Variants in ICA1 observed in about 807,000 individuals in gnomAD.
ICA1 encodes the protein 69 kDa islet cell autoantigen.
ICA1 carries 40 observed loss-of-function variants against 71.0 expected under a neutral mutation model. That is an observed-to-expected ratio of 0.56 (90% CI 0.44 to 0.73). The LOEUF (loss-of-function observed/expected upper bound fraction) is 0.73, where lower values mean the gene tolerates loss of function less well. Among genes scored for constraint, ICA1 ranks in the 30% least tolerant of loss-of-function variants. ICA1 has a pLI of 0.00. For missense variants in ICA1, 578 were observed against 576.5 expected (o/e 1.00, Z -0.03); for synonymous variants, 207 against 209.5 (o/e 0.99, Z 0.10).
chr7:8,237,535 C>T (rs934516630), intron 1 of ICA1, among the ~76,000 whole-genome samples: 2 of 152,036 alleles, frequency 1.3e-5, no homozygotes, highest in Admixed American at 6.6e-5. Context: ...TACAACAGAT[C>T]TCTAGAACTT....
Position 8,216,628 on chromosome 7 carries a change from T to A in ICA1, c.579+1677A>T, listed in dbSNP as rs1795499599. ...AAAATTCTTCTGCCTTCCAGAATAA[T>A]CATATATTTATCTTTATTACCTGGC... On this transcript the variant is annotated intron_variant, in intron 6 of 13. Coordinates refer to ENST00000402384, the MANE Select transcript of ICA1 (RefSeq NM_001136020.3). Among the ~76,000 whole-genome samples, 3 of 150,668 alleles carry A rather than the reference T, an allele frequency of 2.0e-5. No homozygotes were observed. The East Asian group carries it at 5.8e-4, about 29-fold the overall frequency.
At chr7:8,176,426 C>G (rs1780645723) in intron 6 of ICA1, among the ~76,000 whole-genome samples, 1 of 152,224 alleles carries the variant, frequency 6.6e-6, no homozygotes, top group Admixed American at 6.5e-5. Context: ...TCTCTGCAGT[C>G]AGTGCACTTT....
At position 8,202,873 on chromosome 7, in the gene ICA1, C is replaced by CGCAT. The variant is rs200207650; in HGVS notation, c.579+15431_579+15432insATGC. On this transcript the variant is annotated intron_variant, in intron 6 of 13. Coordinates refer to ENST00000402384, the MANE Select transcript of ICA1 (RefSeq NM_001136020.3). ...AGCTATAGGCAATAGACACACCGCA[C>CGCAT]GAATGGGGGAAAATGCAGAGGGGAG... Among the ~76,000 whole-genome samples, 1,156 of 151,992 alleles carry CGCAT rather than the reference C, an allele frequency of 7.6e-3. 18 individuals are homozygous for CGCAT. The highest frequency in any genetic ancestry group is 0.025 in the African/African-American group (1,020 of 41,400).
rs142100767 is a variant in ICA1 at position 8,253,522 on chromosome 7, C to G, written c.-80+8572G>C. Among the ~76,000 whole-genome samples, 594 of 152,132 alleles carry G rather than the reference C, an allele frequency of 3.9e-3. 2 individuals are homozygous for G. Among genetic ancestry groups the G allele is most frequent in the African/African-American group, 0.013 (558 of 41,504 alleles). ...AAATCACAAATATATATAGCTGACCCTTAAAGAAAATGGGTTTGGACTGCA... is the reference window on the plus strand; with the variant it reads ...AAATCACAAATATATATAGCTGACCGTTAAAGAAAATGGGTTTGGACTGCA... On this transcript the variant is annotated intron_variant, in intron 1 of 13. Transcript: ENST00000402384.
intron 6 of ICA1, among the ~76,000 whole-genome samples, chr7:8,211,869 A>G (rs1793902394): frequency 6.6e-6 from 1 of 152,178 alleles, no homozygotes; most frequent in Non-Finnish European, 1.5e-5. Flanking sequence ...CTGCCATGGT[A>G]TTGTGAAAGG....
intron 3 of ICA1, among the ~76,000 whole-genome samples, chr7:8,231,282 A>C (rs967269962): frequency 2.6e-5 from 4 of 152,108 alleles, no homozygotes; most frequent in Non-Finnish European, 5.9e-5. Flanking sequence ...GGTGAGGGCA[A>C]TGTAAGCGTG....
chr7:8,224,329 G>C (rs74624380), intron 4 of ICA1, among the ~76,000 whole-genome samples: 3,109 of 152,222 alleles, frequency 0.02, 107 homozygotes, highest in African/African-American at 0.072. Context: ...TGGTGGACAA[G>C]GGAAAAGGTG....
At chr7:8,150,076 C>G (rs1256409615) in intron 8 of ICA1, among the ~76,000 whole-genome samples, 15 of 152,172 alleles carry the variant, frequency 9.9e-5, no homozygotes, top group Non-Finnish European at 1.5e-5. Flanking sequence ...TAATCACAAT[C>G]ATAAACAAGA....
intron 6 of ICA1, among the ~76,000 whole-genome samples, chr7:8,186,990 T>C (rs764497137): frequency 3.9e-5 from 6 of 152,254 alleles, no homozygotes; most frequent in Admixed American, 6.5e-5. Flanking sequence ...TTGTGCTTAA[T>C]ATGGACCACA....
chr7:8,167,382 C>T (rs1806414420), intron 6 of ICA1, among the ~76,000 whole-genome samples: 1 of 152,152 alleles, frequency 6.6e-6, no homozygotes, highest in South Asian at 2.1e-4. Flanking sequence ...AACAGAAAAA[C>T]AAATACTGCA....
At chr7:8,117,121 G>C (rs60828434) in intron 13 of ICA1, among the ~76,000 whole-genome samples, 14,545 of 152,110 alleles carry the variant, frequency 0.096, 793 homozygotes, top group African/African-American at 0.13. Context: ...CTCCTTCCTG[G>C]CTCCTTGTGA....
intron 6 of ICA1, among the ~76,000 whole-genome samples, chr7:8,181,543 T>C (rs1782192609): frequency 6.6e-6 from 1 of 152,176 alleles, no homozygotes; most frequent in Non-Finnish European, 1.5e-5. Flanking sequence ...ATTTAATCTG[T>C]AGGTCAATTT....
At chr7:8,227,851 G>T in intron 4 of ICA1, 1 of 451,450 alleles carries the variant, frequency 2.2e-6, no homozygotes. Context: ...CTCCTAAAAT[G>T]CTGGGATTAC....
chr7:8,195,698 G>A (rs977081797), intron 6 of ICA1, among the ~76,000 whole-genome samples: 4 of 152,036 alleles, frequency 2.6e-5, no homozygotes, highest in Admixed American at 6.5e-5. Context: ...AAAAACATCC[G>A]GCCGGGCACA....
intron 6 of ICA1, among the ~76,000 whole-genome samples, chr7:8,199,938 C>T (rs1054992738): frequency 1.3e-5 from 2 of 151,812 alleles, no homozygotes; most frequent in Non-Finnish European, 1.5e-5. Flanking sequence ...GAAGGGAAGT[C>T]GGGATGGCTA....
intron 6 of ICA1, among the ~76,000 whole-genome samples, chr7:8,174,771 A>AAAAAAAAAAAAACC (rs1554310916): frequency 5.3e-4 from 56 of 106,042 alleles, no homozygotes; most frequent in African/African-American, 1.7e-3. Flanking sequence ...AAAAAAAAAA[A>AAAAAAAAAAAAACC]AAAAAAAACA....
intron 6 of ICA1, among the ~76,000 whole-genome samples, chr7:8,165,913 G>C (rs183821652): frequency 6.6e-6 from 1 of 152,162 alleles, no homozygotes; most frequent in Non-Finnish European, 1.5e-5. Flanking sequence ...TGGATAGGAA[G>C]AATCAATATT....
chr7:8,127,950 T>C lies in ICA1; in HGVS notation c.1253A>G (p.Lys418Arg), dbSNP rs1789914770. The change falls in exon 13 of 14, where the codon AAG becomes AGG. Residue 418 changes from lysine to arginine, a missense_variant. Transcript: ENST00000402384. ...AAGGAAACCTGAGCCTGTCTGGGCC[T>C]TGGGGTCTGGCTCTCCCAGGGCCAT... Reference protein sequence around the residue: ...PTMALGEPDPKAQTGSGFLPS... With the variant: ...PTMALGEPDPRAQTGSGFLPS... The C allele has an allele frequency of 6.2e-6, 10 of 1,614,226 alleles. No homozygotes were observed. The highest frequency in any genetic ancestry group is 1.1e-5 in the South Asian group (1 of 91,084).
intron 6 of ICA1, among the ~76,000 whole-genome samples, chr7:8,190,879 A>G (rs923993132): frequency 2.0e-5 from 3 of 152,236 alleles, no homozygotes; most frequent in African/African-American, 7.2e-5. Flanking sequence ...GTTTGCTTCC[A>G]TGAGCCTTGC....
Sources: gnomAD v4.1 joint callset for allele counts (sites outside exome capture counted in the v4.1 genomes callset) on GRCh38, gnomAD v4.1.1 for gene constraint, MANE v1.5 for transcripts, NCBI Gene and HGNC (gene_info 2026-07-23, HGNC 2026-07-21) for gene names.